VEGFD: variants seen among roughly 807,000 people sequenced by gnomAD.
The protein encoded by VEGFD is c-fos induced growth factor (vascular endothelial growth factor D).
Under a neutral mutation model 28.0 loss-of-function variants are expected in VEGFD, and 26 were observed. The observed-to-expected ratio is 0.93, with a 90% CI of 0.68 to 1.29. The LOEUF (loss-of-function observed/expected upper bound fraction) is 1.29, where lower values mean the gene tolerates loss of function less well. Ranked by LOEUF, VEGFD falls within the 50% of genes most tolerant of loss-of-function variation. VEGFD has a pLI of 0.00. For synonymous variants in VEGFD, 93 were observed against 95.5 expected (o/e 0.97, Z 0.15); for missense variants, 294 against 273.4 (o/e 1.08, Z -0.53).
intron 1 of VEGFD, among the ~76,000 whole-genome samples, chrX:15,379,679 G>T (rs1387780864): frequency 8.9e-6 from 1 of 112,094 alleles, no homozygotes; most frequent in Non-Finnish European, 1.9e-5. Flanking sequence ...GCCTAGAAAT[G>T]TTCTCAGAAA....
At chrX:15,377,051 G>A (rs1008881446) in intron 1 of VEGFD, among the ~76,000 whole-genome samples, 10 of 112,228 alleles carry the variant, frequency 8.9e-5, no homozygotes, top group Admixed American at 2.8e-4. Flanking sequence ...GACAAAAAGA[G>A]AATCAGCATA....
At chrX:15,382,318 T>TCAAATAAATAAATAAA (rs1923600560) in intron 1 of VEGFD, among the ~76,000 whole-genome samples, 1 of 22,416 alleles carries the variant, frequency 4.5e-5, no homozygotes, top group Non-Finnish European at 6.7e-5. Flanking sequence ...AGACTCCGTC[T>TCAAATAAATAAATAAA]CAAATAAATA....
intron 1 of VEGFD, among the ~76,000 whole-genome samples, chrX:15,375,706 T>A (rs1923421453): frequency 8.9e-6 from 1 of 111,734 alleles, no homozygotes; most frequent in East Asian, 2.8e-4. Context: ...AGTGTGTGTG[T>A]GAATGTATGT....
At chrX:15,359,325 A>ACTCTCT (rs1196818759) in intron 2 of VEGFD, among the ~76,000 whole-genome samples, 1 of 80,692 alleles carries the variant, frequency 1.2e-5, no homozygotes, top group African/African-American at 4.9e-5. Flanking sequence ...TCTCACACAC[A>ACTCTCT]CTCTCTCTCT....
intron 5 of VEGFD, among the ~76,000 whole-genome samples, chrX:15,352,306 CT>C (rs372508926): frequency 2.2e-4 from 22 of 101,192 alleles, no homozygotes; most frequent in African/African-American, 7.1e-4. Flanking sequence ...CTACTTGTGA[CT>C]TTTTTTTTCT....
intron 1 of VEGFD, among the ~76,000 whole-genome samples, chrX:15,379,085 G>C (rs938019166): frequency 2.7e-5 from 3 of 111,519 alleles, no homozygotes; most frequent in African/African-American, 9.8e-5. Context: ...AACTGAATCA[G>C]AAAGGTCTCC....
At chrX:15,381,737 T>C (rs922261213) in intron 1 of VEGFD, among the ~76,000 whole-genome samples, 1 of 111,453 alleles carries the variant, frequency 9.0e-6, no homozygotes, top group Non-Finnish European at 1.9e-5. Context: ...CACTCAGTCA[T>C]ATCTATGCCA....
chrX:15,363,172 G>T lies in VEGFD; in HGVS notation c.238C>A (p.Arg80Ser). 1 of 1,211,298 alleles carries T rather than the reference G, an allele frequency of 8.3e-7. No individual in the cohort carries two copies. Among genetic ancestry groups the T allele is most frequent in the Non-Finnish European group, 1.1e-6 (1 of 895,297 alleles). The change falls in exon 2 of 7, where the codon CGC becomes AGC. Residue 80 changes from arginine to serine, a missense_variant. Physicochemically the swap from Arg to Ser is moderately radical, Grantham distance 110. Transcript: ENST00000297904. The part of the protein sequence containing the change: ...RLKSFTSMDS[R>S]SASHRSTRFA... ...CTAGTGGACCGATGGGATGCTGAGC[G>T]AGAGTCCATACTGGTAAAACTTTTG...
In VEGFD at chrX:15,359,424, C is replaced by T. The variant is rs776134294; in HGVS notation, c.302-1231G>A. On this transcript the variant is annotated intron_variant, in intron 2 of 6. Transcript: ENST00000297904. ...TAAGTTCTGGGATACATGTGCAGAA[C>T]GTGCAGGTTTGTTACACAGGTATGC... Among the ~76,000 whole-genome samples the T allele has an allele frequency of 1.4e-4, 13 of 91,068 alleles. No individual in the cohort carries two copies. In the South Asian group the frequency reaches 2.7e-3, roughly 19 times the overall value. The allele number at this position is 91,068 out of a possible 115,157, so 79.1% of individuals were successfully genotyped here.
intron 2 of VEGFD, 48 bp from the exon 3 acceptor site, chrX:15,358,241 T>C (rs750816312): frequency 9.3e-7 from 1 of 1,074,329 alleles, no homozygotes; most frequent in South Asian, 2.2e-5. Context: ...GGAATGGTCC[T>C]GGTGTGCCAA....
At chrX:15,353,316 T>C in intron 4 of VEGFD, 148 bp from the exon 5 acceptor site, 1 of 267,754 alleles carries the variant, frequency 3.7e-6, no homozygotes. Context: ...AAATAAGGTT[T>C]TGAGATCTAT....
At chrX:15,374,618 G>T (rs1923389474) in intron 1 of VEGFD, among the ~76,000 whole-genome samples, 1 of 111,307 alleles carries the variant, frequency 9.0e-6, no homozygotes, top group African/African-American at 3.3e-5. Flanking sequence ...GAATTTTTGG[G>T]GGGTGATGGA....
intron 1 of VEGFD, among the ~76,000 whole-genome samples, chrX:15,382,709 G>A (rs779460926): frequency 2.7e-5 from 3 of 111,043 alleles, no homozygotes; most frequent in Non-Finnish European, 3.8e-5. Flanking sequence ...GCCAAACACT[G>A]TGATTTCTCC....
chrX:15,381,022 G>A (rs1369153919), intron 1 of VEGFD, among the ~76,000 whole-genome samples: 1 of 112,430 alleles, frequency 8.9e-6, no homozygotes, highest in East Asian at 2.8e-4. Context: ...AGAGGAAAAC[G>A]TGTTCTTCTT....
chrX:15,346,283 G>A (rs1278064950), intron 6 of VEGFD, 24 bp from the exon 7 acceptor site: 18 of 1,197,705 alleles, frequency 1.5e-5, no homozygotes, highest in Non-Finnish European at 1.9e-5. Flanking sequence ...AAATAAAGAT[G>A]AGAATTCAGA....
chrX:15,354,540 C>CT (rs781601098), intron 4 of VEGFD, among the ~76,000 whole-genome samples: 7 of 111,097 alleles, frequency 6.3e-5, no homozygotes, highest in Non-Finnish European at 9.4e-5. Flanking sequence ...ATATTAAATC[C>CT]TTTTTTTTCT....
At chrX:15,372,679 T>A (rs1923342593) in intron 1 of VEGFD, among the ~76,000 whole-genome samples, 1 of 111,513 alleles carries the variant, frequency 9.0e-6, no homozygotes, top group Admixed American at 9.6e-5. Flanking sequence ...CTACTACTAA[T>A]TTAGGGCATG....
intron 4 of VEGFD, 75 bp from the exon 5 acceptor site, chrX:15,353,243 C>T (rs1366992637): frequency 2.0e-6 from 1 of 506,472 alleles, no homozygotes; most frequent in Non-Finnish European, 3.2e-6. Flanking sequence ...TAAATAAATT[C>T]CTGAGTAGAT....
chrX:15,355,885 C>T (rs943152078), intron 3 of VEGFD, among the ~76,000 whole-genome samples: 1 of 111,960 alleles, frequency 8.9e-6, no homozygotes, highest in Non-Finnish European at 1.9e-5. Flanking sequence ...CACACTGCAG[C>T]TTAGAGTCAA....
Sources: gnomAD v4.1 joint callset for allele counts (sites outside exome capture counted in the v4.1 genomes callset) on GRCh38, gnomAD v4.1.1 for gene constraint, MANE v1.5 for transcripts, NCBI Gene and HGNC (gene_info 2026-07-23, HGNC 2026-07-21) for gene names.